The following ENG variants were observed in gnomAD, a reference collection of about 807,000 sequenced individuals.
ENG encodes CD105 antigen.
In ENG, 17 loss-of-function variants were observed where a neutral mutation model predicts 71.0. That is an observed-to-expected ratio of 0.24 (90% CI 0.16 to 0.36). The LOEUF (loss-of-function observed/expected upper bound fraction) is 0.36, where lower values mean the gene tolerates loss of function less well. Among genes scored for constraint, ENG ranks in the 10% least tolerant of loss-of-function variants. The pLI is 1.00. For synonymous variants in ENG, 360 were observed against 366.9 expected, an observed-to-expected ratio of 0.98 and a Z score of 0.21; for missense variants, 749 against 868.3, an observed-to-expected ratio of 0.86 and a Z score of 1.73.
chr9:127,828,085 C>T (rs1830669442), intron 3 of ENG, among the ~76,000 whole-genome samples: 2 of 145,106 alleles, frequency 1.4e-5, no homozygotes, highest in African/African-American at 5.2e-5. Flanking sequence ...GTTGGGATTA[C>T]AGACATAAGC....
chr9:127,818,433 C>T (rs376771825), intron 11 of ENG, 56 bp from the exon 12 acceptor site: 92 of 1,604,040 alleles, frequency 5.7e-5, no homozygotes, highest in African/African-American at 4.0e-4. Context: ...CCCCACCCCA[C>T]CTGCTGCCTT....
At chr9:127,816,794 A>G in intron 13 of ENG, 1 of 389,224 alleles carries the variant, frequency 2.6e-6, no homozygotes, top group Non-Finnish European at 4.9e-6. Context: ...AAGGAAGGCA[A>G]GGCCAGCACC....
At chr9:127,818,604 T>A in intron 11 of ENG, 112 bp downstream of exon 11, 7 of 1,411,666 alleles carry the variant, frequency 5.0e-6, no homozygotes, top group Non-Finnish European at 7.0e-6. Context: ...ACCCAGGCTG[T>A]CTCCCTCCTG....
At chr9:127,818,909 G>C in intron 10 of ENG, 77 bp from the exon 11 acceptor site, 1 of 1,253,176 alleles carries the variant, frequency 8.0e-7, no homozygotes, top group Non-Finnish European at 1.2e-6. Context: ...GGAGGAACAG[G>C]CATCATGGCC....
Position 127,854,338 on chromosome 9 carries a change from G to C in ENG, c.18C>G (p.Leu6=). 2 of 1,594,832 alleles carry C rather than the reference G, an allele frequency of 1.3e-6. No homozygotes were observed. The highest frequency in any genetic ancestry group is 1.7e-6 in the Non-Finnish European group (2 of 1,171,304). The change falls in exon 1 of 15, where the codon CTC becomes CTG. Residue 6 remains leucine (L), a synonymous_variant. Coordinates refer to ENST00000373203, the MANE Select transcript of ENG (RefSeq NM_001114753.3). ...CCAGCAGCAGGGCAACAGCCAGAGGGAGCGTGCCGCGGTCCATGCTGTCCA... is the reference window on the plus strand; with the variant it reads ...CCAGCAGCAGGGCAACAGCCAGAGGCAGCGTGCCGCGGTCCATGCTGTCCA... MDRGT[L]PLAVALLLAS...
At chr9:127,833,822 A>G (rs760273814) in intron 2 of ENG, among the ~76,000 whole-genome samples, 9 of 152,248 alleles carry the variant, frequency 5.9e-5, no homozygotes, top group Non-Finnish European at 1.3e-4. Context: ...AAATCTGCCC[A>G]GAAATATTTC....
intron 13 of ENG, 43 bp downstream of exon 13, chr9:127,817,106 C>G: frequency 3.1e-6 from 5 of 1,612,326 alleles, no homozygotes; most frequent in Non-Finnish European, 3.4e-6. Context: ...CTACTGTGAC[C>G]TCAGCCACTA....
chr9:127,839,265 T>G (rs1830973020), intron 2 of ENG, among the ~76,000 whole-genome samples: 1 of 152,200 alleles, frequency 6.6e-6, no homozygotes, highest in Non-Finnish European at 1.5e-5. Flanking sequence ...ACCTTCTGTC[T>G]GCATCATCAA....
At chr9:127,844,353 C>G (rs1242398602) in intron 1 of ENG, among the ~76,000 whole-genome samples, 4 of 151,858 alleles carry the variant, frequency 2.6e-5, no homozygotes, top group Non-Finnish European at 5.9e-5. Flanking sequence ...TCTTGAACTC[C>G]CAACCTCAGG....
chr9:127,845,198 C>A (rs1264478439), intron 1 of ENG, among the ~76,000 whole-genome samples: 1 of 152,210 alleles, frequency 6.6e-6, no homozygotes, highest in Non-Finnish European at 1.5e-5. Context: ...GGCTTCATGT[C>A]CAGCCAAGGC....
At chr9:127,816,209 T>G in intron 13 of ENG, 156 bp from the exon 14 acceptor site, 1 of 947,464 alleles carries the variant, frequency 1.1e-6, no homozygotes, top group Non-Finnish European at 1.6e-6. Flanking sequence ...AACGGGCTCA[T>G]CACAGCCAGG....
intron 8 of ENG, 71 bp from the exon 9 acceptor site, chr9:127,820,108 G>T: frequency 6.4e-7 from 1 of 1,572,130 alleles, no homozygotes; most frequent in Admixed American, 1.8e-5. Context: ...CCAGCACCAA[G>T]GACTGACCAC....
intron 13 of ENG, chr9:127,816,257 A>AGAG (rs1253095604): frequency 1.5e-6 from 1 of 683,236 alleles, no homozygotes; most frequent in East Asian, 2.8e-5. Context: ...CTGTCCACCT[A>AGAG]GAGGGCCCAG....
rs1017529243 is a variant in ENG at position 127,841,707 on chromosome 9, C to T, written c.219+1387G>A. On this transcript the variant is annotated intron_variant, in intron 2 of 14. Transcript: ENST00000373203. The stretch of plus-strand genomic sequence containing the variant: ...AGATTGGCCATAAGTTTACCCGGAG[C>T]TGACACGGCGAAGTCAGTATCGGGA... 6.6e-5 allele frequency among the ~76,000 whole-genome samples: 10 copies of T among 152,208 alleles called. No individual in the cohort carries two copies. The East Asian group carries it at 1.9e-3, about 29-fold the overall frequency.
chr9:127,815,950 C>A lies in ENG; in HGVS notation c.1845G>T (p.Ser615=), dbSNP rs759950184. ...GGGGCCTGGGGTACTCACGCGTGTG[C>A]GAGTAGATGTACCAGAGTGCAGCAG... The part of the protein sequence containing the change: ...LLTAALWYIY[S]HTRSPSKREP... The change falls in exon 14 of 15, where the codon TCG becomes TCT. Residue 615 remains serine (S), a synonymous_variant. Transcript: ENST00000373203. The A allele has an allele frequency of 1.1e-5, 17 of 1,598,476 alleles. No individual in the cohort carries two copies. In the East Asian group the frequency reaches 3.8e-4, roughly 36 times the overall value.
rs147017175 is a variant in ENG at position 127,824,344 on chromosome 9, T to C, written c.1094A>G (p.Asp365Gly). 1.2e-6 allele frequency: 2 copies of C among 1,613,802 alleles called. No individual in the cohort carries two copies. Among genetic ancestry groups the C allele is most frequent in the Non-Finnish European group, 1.7e-6 (2 of 1,179,998 alleles). The change falls in exon 8 of 15, where the codon GAC becomes GGC. Residue 365 changes from aspartate (D) to glycine (G), a missense_variant. Physicochemically the swap from Asp to Gly is moderately conservative, Grantham distance 94. Transcript: ENST00000373203. ...CTTTAGTACCAGGGTCATGGCGTCG[T>C]CGGCACACTTTGTCTGGATCAAGGA... ...LMSLIQTKCA[D>G]DAMTLVLKKE...
chr9:127,851,267 T>G (rs1831277135), intron 1 of ENG, among the ~76,000 whole-genome samples: 1 of 152,136 alleles, frequency 6.6e-6, no homozygotes, highest in African/African-American at 2.4e-5. Flanking sequence ...TCACCTAGGC[T>G]GGAGTGCGGT....
intron 7 of ENG, 73 bp from the exon 8 acceptor site, chr9:127,824,519 T>A: frequency 6.9e-7 from 1 of 1,443,526 alleles, no homozygotes; most frequent in Non-Finnish European, 9.1e-7. Flanking sequence ...AGGCTTTTTT[T>A]TTTTTTTTTT....
Position 127,818,834 on chromosome 9 carries a change from T to TG in ENG, c.1312-3dup, listed in dbSNP as rs1260888046. 1 of 1,613,056 alleles carries TG rather than the reference T, an allele frequency of 6.2e-7. No individual in the cohort carries two copies. The highest frequency in any genetic ancestry group is 8.5e-7 in the Non-Finnish European group (1 of 1,179,496). Reference sequence around the variant, plus strand: ...CATGTTGAGGCAGTGCACCTTTTTCTGGGGGAGGACGGGAGGGAGACTTGG... The same window carrying TG: ...CATGTTGAGGCAGTGCACCTTTTTCTGGGGGGAGGACGGGAGGGAGACTTGG... On this transcript the variant is annotated splice_polypyrimidine_tract_variant and splice_region_variant and intron_variant, in intron 10 of 14. Transcript: ENST00000373203.
Sources: gnomAD v4.1 joint callset for allele counts (sites outside exome capture counted in the v4.1 genomes callset) on GRCh38, gnomAD v4.1.1 for gene constraint, MANE v1.5 for transcripts, NCBI Gene and HGNC (gene_info 2026-07-23, HGNC 2026-07-21) for gene names.